The following CAMK1 variants were observed in gnomAD, a reference collection of about 807,000 sequenced individuals.
The protein encoded by CAMK1 is calcium/calmodulin-dependent protein kinase type 1.
CAMK1 carries 39 observed loss-of-function variants against 49.1 expected under a neutral mutation model. The ratio of observed to expected loss-of-function variants is 0.79; its 90% confidence interval spans 0.62 to 1.04. CAMK1 has a LOEUF of 1.04. Among genes scored for constraint, CAMK1 ranks in the 50% least tolerant of loss-of-function variants. CAMK1 has a pLI of 0.00. For missense variants in CAMK1, 457 were observed against 472.2 expected (o/e 0.97, Z 0.30); for synonymous variants, 192 against 185.2 (o/e 1.04, Z -0.30).
chr3:9,761,450 G>A lies in CAMK1; in HGVS notation c.632+11C>T, dbSNP rs1014128455. On this transcript the variant is annotated intron_variant, in intron 7 of 11. Transcript: ENST00000256460. ...TGGAGCCACAGCCTACCATGGCCAA[G>A]CCCCACTTACAAGATGTAGGCGATG... 5 of 1,606,038 alleles carry A rather than the reference G, an allele frequency of 3.1e-6. No individual in the cohort carries two copies. The African/African-American group carries it at 5.4e-5, about 17-fold the overall frequency.
At position 9,765,879 on chromosome 3, in the gene CAMK1, G is replaced by A. The variant is rs776877972; in HGVS notation, c.95C>T (p.Ser32Leu). ...FRDVLGTGAF[S>L]EVILAEDKRT... The stretch of plus-strand genomic sequence containing the variant: ...CTTATCTTCTGCCAGGATCACCTCC[G>A]AGAAGGCCCCCCTATCGGGAGAGGG... The change falls in exon 3 of 12, where the codon TCG (serine) becomes TTG (leucine). Residue 32 changes from serine to leucine, a missense_variant. Coordinates refer to ENST00000256460, the MANE Select transcript of CAMK1 (RefSeq NM_003656.5). 1.6e-5 allele frequency: 26 copies of A among 1,613,920 alleles called. No individual in the cohort carries two copies. Among genetic ancestry groups the A allele is most frequent in the Non-Finnish European group, 2.2e-5 (26 of 1,180,012 alleles).
intron 3 of CAMK1, among the ~76,000 whole-genome samples, chr3:9,764,701 C>T (rs7652721): frequency 2.2e-5 from 3 of 134,688 alleles, no homozygotes; most frequent in African/African-American, 5.6e-5. Context: ...GGTGTGATCT[C>T]GGCTCACCGC....
intron 2 of CAMK1, chr3:9,766,646 C>A: frequency 9.5e-7 from 1 of 1,055,122 alleles, no homozygotes; most frequent in South Asian, 2.7e-5. Context: ...ACTCATTTAA[C>A]TAAAGTTAAC....
At chr3:9,760,428 A>G (rs1041577816) in intron 8 of CAMK1, 21 of 477,560 alleles carry the variant, frequency 4.4e-5, no homozygotes, top group African/African-American at 1.6e-4. Context: ...CAAATAGACT[A>G]TGTTTGAAGA....
rs1457345135 is a variant in CAMK1, at chr3:9,763,122, G to A, written c.290+17C>T. 2 of 1,614,200 alleles carry A rather than the reference G, an allele frequency of 1.2e-6. No homozygotes were observed. The highest frequency in any genetic ancestry group is 2.2e-5 in the East Asian group (1 of 44,886). ...CTGGGAGAGGTGTGGGGGCAGGGCA[G>A]AGGTTGGGCCACTCACAGCTGCATG... On this transcript the variant is annotated intron_variant, in intron 4 of 11. Transcript: ENST00000256460.
rs765190978 is a variant in CAMK1 at position 9,759,594 on chromosome 3, G to A, written c.825-19C>T. The A allele has an allele frequency of 6.8e-6, 11 of 1,614,058 alleles. No individual in the cohort carries two copies. In the African/African-American group the frequency reaches 1.1e-4, roughly 16 times the overall value. On this transcript the variant is annotated intron_variant, in intron 9 of 11. Transcript: ENST00000256460. ...TGCAATCCTAGGATGGGGTTATGTGGTGGGTTGCCTATGAGGGCAGAAGCA... is the reference window on the plus strand; with the variant it reads ...TGCAATCCTAGGATGGGGTTATGTGATGGGTTGCCTATGAGGGCAGAAGCA...
chr3:9,763,304 G>T, intron 3 of CAMK1, 91 bp from the exon 4 acceptor site: 3 of 1,523,428 alleles, frequency 2.0e-6, no homozygotes, highest in South Asian at 1.2e-5. Flanking sequence ...GAGGCAGGAG[G>T]ATCACTTGGC....
At chr3:9,759,045 C>G in intron 10 of CAMK1, 1 of 759,202 alleles carries the variant, frequency 1.3e-6, no homozygotes, top group South Asian at 1.4e-5. Context: ...GAGGCCTGGC[C>G]CCTTACCTGC....
At chr3:9,758,035 CAT>C (rs1407288559) in intron 10 of CAMK1, 189 bp from the exon 11 acceptor site, 56 of 796,138 alleles carry the variant, frequency 7.0e-5, no homozygotes, top group Non-Finnish European at 1.0e-4. Flanking sequence ...CACACACGCA[CAT>C]ATGTTAGATG....
intron 7 of CAMK1, 36 bp from the exon 8 acceptor site, chr3:9,760,804 C>G (rs955867139): frequency 2.5e-6 from 4 of 1,612,580 alleles, no homozygotes; most frequent in African/African-American, 1.3e-5. Flanking sequence ...TTTCCACTTT[C>G]GGGTGCCGTT....
intron 1 of CAMK1, among the ~76,000 whole-genome samples, chr3:9,769,309 C>G (rs184514718): frequency 2.6e-4 from 40 of 152,138 alleles, no homozygotes; most frequent in Admixed American, 9.8e-4. Flanking sequence ...CTACCCCATC[C>G]CCTGGAAGCT....
chr3:9,759,859 C>T (rs1032850552), intron 8 of CAMK1, 109 bp from the exon 9 acceptor site: 13 of 1,587,844 alleles, frequency 8.2e-6, no homozygotes, highest in Non-Finnish European at 1.1e-5. Flanking sequence ...GACAAAGAGG[C>T]CAAATCAGTC....
Position 9,763,037 on chromosome 3 carries a change from C to A in CAMK1, c.306G>T (p.Glu102Asp). The change falls in exon 5 of 12, where the codon GAG becomes GAT. Residue 102 changes from glutamate to aspartate, a missense_variant. Coordinates refer to ENST00000256460, the MANE Select transcript of CAMK1 (RefSeq NM_003656.5). ...YLIMQLVSGG[E>D]LFDRIVEKGF... ...CTTTTTCCACAATACGGTCAAAGAGCTCCCCACCCGACACCCTGCAGCAGG... is the reference window on the plus strand; with the variant it reads ...CTTTTTCCACAATACGGTCAAAGAGATCCCCACCCGACACCCTGCAGCAGG... 6 of 1,614,124 alleles carry A rather than the reference C, an allele frequency of 3.7e-6. No homozygotes were observed. The highest frequency in any genetic ancestry group is 4.2e-6 in the Non-Finnish European group (5 of 1,180,010).
At chr3:9,762,267 CGAG>C (rs1319149649) in intron 5 of CAMK1, 2 of 153,702 alleles carry the variant, frequency 1.3e-5, no homozygotes, top group Non-Finnish European at 2.9e-5. Flanking sequence ...TCGCTATTTC[CGAG>C]GAGTAGGATT....
At chr3:9,759,857 G>A (rs1189037273) in intron 8 of CAMK1, 107 bp from the exon 9 acceptor site, 18 of 1,595,442 alleles carry the variant, frequency 1.1e-5, no homozygotes, top group African/African-American at 5.4e-5. Flanking sequence ...AAGACAAAGA[G>A]GCCAAATCAG....
At chr3:9,762,832 G>A in intron 5 of CAMK1, 82 bp downstream of exon 5, 1 of 1,420,532 alleles carries the variant, frequency 7.0e-7, no homozygotes. Context: ...GGGGGTGAAA[G>A]TTGCCCAAGG....
intron 3 of CAMK1, 45 bp from the exon 4 acceptor site, chr3:9,763,258 AC>A (rs779979464): frequency 1.2e-6 from 2 of 1,612,064 alleles, no homozygotes; most frequent in African/African-American, 2.7e-5. Flanking sequence ...GGCGGTGTGC[AC>A]CTGTAGTCCA....
intron 8 of CAMK1, chr3:9,760,033 G>A (rs2077776388): frequency 2.9e-6 from 1 of 340,410 alleles, no homozygotes; most frequent in Admixed American, 3.9e-5. Flanking sequence ...ACGAGGTCAG[G>A]AGTTCAAGAC....
At chr3:9,769,368 A>G (rs1404676735) in intron 1 of CAMK1, among the ~76,000 whole-genome samples, 1 of 151,882 alleles carries the variant, frequency 6.6e-6, no homozygotes, top group Non-Finnish European at 1.5e-5. Context: ...AACTCCAAAC[A>G]TCCTCAGTAC....
Sources: gnomAD v4.1 joint callset for allele counts (sites outside exome capture counted in the v4.1 genomes callset) on GRCh38, gnomAD v4.1.1 for gene constraint, MANE v1.5 for transcripts, NCBI Gene and HGNC (gene_info 2026-07-23, HGNC 2026-07-21) for gene names.